PDZD2: variants seen among roughly 807,000 people sequenced by gnomAD.
PDZD2 encodes the protein PDZ domain containing 2.
Under a neutral mutation model 220.7 loss-of-function variants are expected in PDZD2, and 90 were observed. The observed-to-expected ratio is 0.41, with a 90% CI of 0.34 to 0.49. The LOEUF (loss-of-function observed/expected upper bound fraction) is 0.49, where lower values mean the gene tolerates loss of function less well. PDZD2 is among the 20% of genes least tolerant of loss of function. The pLI, the probability that PDZD2 is intolerant of heterozygous loss-of-function variation, is 0.28. For synonymous variants in PDZD2, 1,375 were observed against 1,450.5 expected, an observed-to-expected ratio of 0.95 and a Z score of 1.18; for missense variants, 3,174 against 3,608.5, an observed-to-expected ratio of 0.88 and a Z score of 3.08.
chr5:31,698,392 A>G (rs805207), intron 1 of PDZD2, among the ~76,000 whole-genome samples: 67,025 of 147,512 alleles, frequency 0.45, 16,076 homozygotes, highest in East Asian at 0.61. Context: ...TCAAGAGATC[A>G]AGACCATCCT....
intron 14 of PDZD2, among the ~76,000 whole-genome samples, chr5:32,064,415 G>A (rs1045810394): frequency 6.6e-6 from 1 of 151,770 alleles, no homozygotes; most frequent in East Asian, 2.0e-4. Flanking sequence ...CTAATCTTTT[G>A]TATTTTTAGT....
chr5:31,984,663 A>G (rs1364292053), intron 3 of PDZD2, among the ~76,000 whole-genome samples: 1 of 152,180 alleles, frequency 6.6e-6, no homozygotes, highest in African/African-American at 2.4e-5. Flanking sequence ...CAGGAGTGTG[A>G]GACCAACCTG....
Position 32,108,108 on chromosome 5 carries a change from A to C in PDZD2, c.8493A>C (p.Leu2831Phe). 6.2e-7 allele frequency: 1 copy of C among 1,605,022 alleles called. No individual in the cohort carries two copies. Among genetic ancestry groups the C allele is most frequent in the South Asian group, 1.1e-5 (1 of 89,318 alleles). ...KSVPEGPVQL[L>F]IRKHRNSS ...TCCCAGAAGGACCTGTGCAGTTATT[A>C]ATTAGAAAGCATAGGAATTCTTCAT... Residue 2831 changes from leucine to phenylalanine, a missense_variant, in exon 25 of 25, where the codon TTA becomes TTC. Physicochemically the swap from Leu to Phe is conservative, Grantham distance 22 (BLOSUM62 0). Transcript: ENST00000438447.
intron 2 of PDZD2, among the ~76,000 whole-genome samples, chr5:31,868,995 A>G (rs1273735108): frequency 1.3e-5 from 2 of 151,580 alleles, no homozygotes; most frequent in Non-Finnish European, 2.9e-5. Context: ...CTGGTCTTGA[A>G]CTCCTGGCCT....
chr5:31,771,045 G>A (rs552321759), intron 1 of PDZD2, among the ~76,000 whole-genome samples: 2 of 152,240 alleles, frequency 1.3e-5, no homozygotes, highest in African/African-American at 2.4e-5. Context: ...ATTTATGAAG[G>A]GAAAATCCTT....
chr5:31,954,525 A>T (rs1258909094), intron 2 of PDZD2, among the ~76,000 whole-genome samples: 1 of 152,194 alleles, frequency 6.6e-6, no homozygotes, highest in Non-Finnish European at 1.5e-5. Context: ...ATATTATTAA[A>T]TGCATTGTGA....
At chr5:31,929,864 C>T (rs868599052) in intron 2 of PDZD2, among the ~76,000 whole-genome samples, 5 of 152,150 alleles carry the variant, frequency 3.3e-5, no homozygotes, top group African/African-American at 4.8e-5. Flanking sequence ...GGATTTCCAA[C>T]GCTGGGGGCT....
At chr5:31,836,434 G>T (rs527522255) in intron 2 of PDZD2, among the ~76,000 whole-genome samples, 68 of 151,990 alleles carry the variant, frequency 4.5e-4, no homozygotes, top group African/African-American at 1.5e-3. Context: ...TGCTGTGTTG[G>T]TCAGGCTGAT....
At chr5:32,004,000 C>A (rs1165843491) in intron 5 of PDZD2, among the ~76,000 whole-genome samples, 2 of 152,064 alleles carry the variant, frequency 1.3e-5, no homozygotes, top group Non-Finnish European at 2.9e-5. Flanking sequence ...GCATGAGCCA[C>A]TGCATCCAGC....
At position 31,999,248 on chromosome 5, in the gene PDZD2, C is replaced by A. The variant is rs1169694140; in HGVS notation, c.1122-891C>A. Among the ~76,000 whole-genome samples, 8 of 48,804 alleles carry A rather than the reference C, an allele frequency of 1.6e-4. No individual in the cohort carries two copies. The East Asian group carries it at 3.2e-3, about 20-fold the overall frequency. 32.0% of individuals were successfully genotyped at this position (48,804 alleles called of 152,430 possible). A position where few individuals can be genotyped will look rare whatever the true frequency, so the allele number is the denominator to read the frequency against. ...ATTTGTTCTTTTCCTTTCTTAATTG[C>A]TTTTTTTTGGGGGGGGCGGGTGGCG... On this transcript the variant is annotated intron_variant, in intron 4 of 24. Coordinates refer to ENST00000438447, the MANE Select transcript of PDZD2 (RefSeq NM_178140.4).
At chr5:31,689,353 A>ATTTTT (rs1160111594) in intron 1 of PDZD2, among the ~76,000 whole-genome samples, 8 of 35,112 alleles carry the variant, frequency 2.3e-4, no homozygotes, top group Admixed American at 1.0e-3. Flanking sequence ...ATATATATAT[A>ATTTTT]TTTTTTTTTT....
intron 1 of PDZD2, among the ~76,000 whole-genome samples, chr5:31,644,753 C>A (rs2150102657): frequency 6.6e-6 from 1 of 152,304 alleles, no homozygotes; most frequent in East Asian, 1.9e-4. Flanking sequence ...AATGAGTGGT[C>A]TATGAACTTC....
At chr5:31,704,529 G>A (rs1007035140) in intron 1 of PDZD2, among the ~76,000 whole-genome samples, 2 of 152,156 alleles carry the variant, frequency 1.3e-5, no homozygotes, top group Non-Finnish European at 2.9e-5. Context: ...CAGTGGACAC[G>A]CCACAGTTGA....
chr5:31,786,853 G>A lies in PDZD2; in HGVS notation c.-360-12036G>A, dbSNP rs77738530. ...TCATTGTTAATTAATGATGAGGTCA[G>A]ATCCTGAGTAGTTACATGCTAAGAA... is the stretch of plus-strand genomic sequence containing the variant. On this transcript the variant is annotated intron_variant, in intron 1 of 24. Transcript: ENST00000438447. Among the ~76,000 whole-genome samples the A allele has an allele frequency of 4.2e-3, 642 of 152,302 alleles. 6 individuals carry two copies. The highest frequency in any genetic ancestry group is 0.015 in the African/African-American group (631 of 41,562).
At chr5:31,997,988 G>A (rs1220343294) in intron 4 of PDZD2, among the ~76,000 whole-genome samples, 4 of 152,176 alleles carry the variant, frequency 2.6e-5, no homozygotes, top group East Asian at 1.9e-4. Context: ...GACTACAGGC[G>A]CTTGCCACCA....
intron 1 of PDZD2, among the ~76,000 whole-genome samples, chr5:31,771,450 AAG>A (rs1752333624): frequency 6.6e-6 from 1 of 152,114 alleles, no homozygotes; most frequent in Admixed American, 6.6e-5. Flanking sequence ...CAGGGCCACC[AAG>A]ATCTATGTAG....
intron 2 of PDZD2, chr5:31,820,428 G>A (rs1468842995): frequency 5.9e-5 from 9 of 152,300 alleles, no homozygotes; most frequent in Non-Finnish European, 1.2e-4. Flanking sequence ...ATTTGAACAC[G>A]TTCCTCCTTA....
intron 1 of PDZD2, among the ~76,000 whole-genome samples, chr5:31,737,950 C>T (rs1221963537): frequency 1.3e-5 from 2 of 152,174 alleles, no homozygotes; most frequent in African/African-American, 2.4e-5. Context: ...GAAACTGAGG[C>T]TCAGAGATGT....
At position 32,072,220 on chromosome 5, in the gene PDZD2, C is replaced by G. The variant is rs1287769541; in HGVS notation, c.2628C>G (p.Pro876=). The G allele has an allele frequency of 1.9e-6, 3 of 1,613,788 alleles. No homozygotes were observed. The highest frequency in any genetic ancestry group is 2.5e-6 in the Non-Finnish European group (3 of 1,179,660). ...SQYFAHDVPG[P]LSDFMVAGSE... ...ACTTTGCCCACGATGTCCCTGGCCC[C>G]TTGTCAGACTTCATGGTGGCCGGTT... is the stretch of plus-strand genomic sequence containing the variant. The change falls in exon 17 of 25, where the codon CCC becomes CCG. Residue 876 remains proline (P), a synonymous_variant. Transcript: ENST00000438447.
Sources: gnomAD v4.1 joint callset for allele counts (sites outside exome capture counted in the v4.1 genomes callset) on GRCh38, gnomAD v4.1.1 for gene constraint, MANE v1.5 for transcripts, NCBI Gene and HGNC (gene_info 2026-07-23, HGNC 2026-07-21) for gene names.